METTL9: variants seen among roughly 807,000 people sequenced by gnomAD.
METTL9 encodes the protein methyltransferase 9, His-X-His N1(pi)-histidine.
In METTL9, 10 loss-of-function variants were observed where a neutral mutation model predicts 36.0. The ratio of observed to expected loss-of-function variants is 0.28; its 90% CI spans 0.17 to 0.47. The LOEUF (loss-of-function observed/expected upper bound fraction) is 0.47, where lower values mean the gene tolerates loss of function less well. Ranked by LOEUF, METTL9 falls within the 20% of genes least tolerant of loss-of-function variation. The pLI is 0.99. For missense variants in METTL9, 246 were observed against 383.5 expected (o/e 0.64, Z 3.00); for synonymous variants, 175 against 149.7 (o/e 1.17, Z -1.23).
chr16:21,611,088 G>A (rs1011741994), intron 1 of METTL9, among the ~76,000 whole-genome samples: 1 of 152,168 alleles, frequency 6.6e-6, no homozygotes, highest in African/African-American at 2.4e-5. Flanking sequence ...TTCATAGCTT[G>A]TCATATAGAG....
chr16:21,613,823 A>G (rs1965491266), intron 2 of METTL9, among the ~76,000 whole-genome samples: 1 of 114,514 alleles, frequency 8.7e-6, no homozygotes, highest in Non-Finnish European at 1.7e-5. Flanking sequence ...AAGCTTTAGG[A>G]GTTTTTTTTG....
chr16:21,637,360 G>T (rs1016539102), intron 4 of METTL9, among the ~76,000 whole-genome samples: 3 of 152,008 alleles, frequency 2.0e-5, no homozygotes, highest in African/African-American at 7.3e-5. Context: ...TCTGCTACCC[G>T]GCTAGCTAGA....
intron 4 of METTL9, among the ~76,000 whole-genome samples, chr16:21,625,716 G>A (rs1965801200): frequency 6.6e-6 from 1 of 152,106 alleles, no homozygotes; most frequent in Non-Finnish European, 1.5e-5. Flanking sequence ...CATAGTTACT[G>A]TGACTTCTGG....
At position 21,625,070 on chromosome 16, in the gene METTL9, G is replaced by C; in HGVS notation, c.706G>C (p.Val236Leu). 6.2e-7 allele frequency: 1 copy of C among 1,614,160 alleles called. No individual in the cohort carries two copies. Among genetic ancestry groups the C allele is most frequent in the Non-Finnish European group, 8.5e-7 (1 of 1,180,030 alleles). The change falls in exon 4 of 5, where the codon GTC becomes CTC. Residue 236 changes from valine to leucine, a missense_variant. Val to Leu is a conservative substitution (Grantham distance 32). Coordinates refer to ENST00000358154, the MANE Select transcript of METTL9 (RefSeq NM_016025.5). ...RSVLEPTRGRVILALVLPFHP... is the reference protein window; with the variant it reads ...RSVLEPTRGRLILALVLPFHP... Reference sequence around the variant, plus strand: ...TGTCTTGGAGCCAACTAGAGGCAGGGTCATCCTTGCCCTTGTCCTCCCCTT... The same window carrying C: ...TGTCTTGGAGCCAACTAGAGGCAGGCTCATCCTTGCCCTTGTCCTCCCCTT...
Position 21,606,807 on chromosome 16 carries a change from T to C in METTL9, c.166-5838T>C, listed in dbSNP as rs1165042882. 2.0e-5 allele frequency among the ~76,000 whole-genome samples: 3 copies of C among 152,218 alleles called. No homozygotes were observed. In the East Asian group the frequency reaches 5.8e-4, roughly 29 times the overall value. ...ATGTATTTTTTATTATACCACATCA[T>C]CTAAAATCAGTCAGTTTTTAAAATT... On this transcript the variant is annotated intron_variant, in intron 1 of 4. Transcript: ENST00000358154.
chr16:21,611,788 A>G (rs758002729), intron 1 of METTL9, among the ~76,000 whole-genome samples: 18 of 152,190 alleles, frequency 1.2e-4, no homozygotes, highest in Admixed American at 6.5e-5. Context: ...TGTGGGGCTG[A>G]CGCTAAAGCT....
intron 4 of METTL9, among the ~76,000 whole-genome samples, chr16:21,637,717 G>A (rs1012870117): frequency 6.6e-6 from 1 of 152,240 alleles, no homozygotes; most frequent in South Asian, 2.1e-4. Flanking sequence ...TGCGCTGCGC[G>A]CAGCCCGGCT....
chr16:21,641,439 T>A (rs974246948), intron 4 of METTL9: 2 of 607,188 alleles, frequency 3.3e-6, no homozygotes, highest in Non-Finnish European at 5.6e-6. Flanking sequence ...AGTTTACCTT[T>A]ATTTTTTTTT....
At chr16:21,599,559 G>A (rs1965041199), upstream of METTL9, 3 of 1,284,166 alleles carry the variant, frequency 2.3e-6, no homozygotes, top group African/African-American at 3.1e-5. This position sits in a 1 kb window ranked among gnomAD's most constrained non-coding sequence, Gnocchi z 4.4. Context: ...AGGTGCCGAG[G>A]CTGCGCGCCG....
intron 2 of METTL9, among the ~76,000 whole-genome samples, chr16:21,617,513 A>C (rs1049355530): frequency 1.3e-5 from 2 of 151,932 alleles, no homozygotes; most frequent in African/African-American, 4.8e-5. Context: ...AGATCACCTG[A>C]GGTCAGGAGT....
intron 4 of METTL9, among the ~76,000 whole-genome samples, chr16:21,628,964 A>G (rs2141593081): frequency 7.1e-6 from 1 of 141,636 alleles, no homozygotes; most frequent in Middle Eastern, 4.5e-3. Flanking sequence ...ATCTTGGCTT[A>G]CTCACTGCAA....
chr16:21,603,772 C>G (rs771990803), intron 1 of METTL9, among the ~76,000 whole-genome samples: 2 of 152,046 alleles, frequency 1.3e-5, no homozygotes, highest in Non-Finnish European at 2.9e-5. Context: ...ACAACGATTT[C>G]TCCGGGTGAC....
At chr16:21,627,263 A>G (rs915926392) in intron 4 of METTL9, 22 of 985,370 alleles carry the variant, frequency 2.2e-5, no homozygotes, top group Non-Finnish European at 2.2e-5. Flanking sequence ...GTTGGAGGAT[A>G]TCTGAGTGTG....
chr16:21,618,148 C>A, intron 3 of METTL9, 74 bp downstream of exon 3: 1 of 1,120,750 alleles, frequency 8.9e-7, no homozygotes, highest in Non-Finnish European at 1.3e-6. Context: ...AAAAAATGAT[C>A]TTCCATGATT....
At position 21,650,508 on chromosome 16, in the gene METTL9, CAAAAAAAAAAA is replaced by C. The variant is rs3046229; in HGVS notation, c.752-4709_752-4699del. ...GGGTGACAGAGTGAGACTCTTGTCTCAAAAAAAAAAAAAAAAAAAATAGAGGTTGGGGTGGC... is the reference window on the plus strand; with the variant it reads ...GGGTGACAGAGTGAGACTCTTGTCTCAAAAAAAAATAGAGGTTGGGGTGGC... On this transcript the variant is annotated intron_variant, in intron 4 of 4. Transcript: ENST00000358154. Among the ~76,000 whole-genome samples, 2 of 89,990 alleles carry C rather than the reference CAAAAAAAAAAA, an allele frequency of 2.2e-5. 1 individual carries two copies. Among genetic ancestry groups the C allele is most frequent in the Non-Finnish European group, 4.3e-5 (2 of 46,064 alleles). 59.0% of individuals were successfully genotyped at this position (89,990 alleles called of 152,430 possible). A position where few individuals can be genotyped will look rare whatever the true frequency, so the allele number is the denominator to read the frequency against.
intron 4 of METTL9, among the ~76,000 whole-genome samples, chr16:21,628,485 TTTTC>T (rs757062258): frequency 1.8e-4 from 27 of 152,200 alleles, no homozygotes; most frequent in East Asian, 3.9e-4. Flanking sequence ...CCCCACTTTT[TTTTC>T]TTTCTTTCTT....
At chr16:21,612,496 C>T (rs1157418237) in intron 1 of METTL9, 149 bp from the exon 2 acceptor site, 13 of 707,550 alleles carry the variant, frequency 1.8e-5, no homozygotes, top group Non-Finnish European at 2.1e-5. Context: ...TATGAGTATA[C>T]GAAATGATTA....
intron 2 of METTL9, among the ~76,000 whole-genome samples, chr16:21,613,574 T>C (rs1023419043): frequency 1.3e-5 from 2 of 152,156 alleles, no homozygotes; most frequent in African/African-American, 4.8e-5. Context: ...AACCAAGCCC[T>C]GAAGCTGAGG....
At chr16:21,650,883 T>G (rs1438329208) in intron 4 of METTL9, among the ~76,000 whole-genome samples, 1 of 152,232 alleles carries the variant, frequency 6.6e-6, no homozygotes, top group Non-Finnish European at 1.5e-5. Flanking sequence ...GTTGAAGATT[T>G]ATTTCCTCCA....
Sources: gnomAD v4.1 joint callset for allele counts (sites outside exome capture counted in the v4.1 genomes callset) on GRCh38, gnomAD v4.1.1 for gene constraint, Gnocchi (gnomAD v3.1) non-coding constraint, MANE v1.5 for transcripts, NCBI Gene and HGNC (gene_info 2026-07-23, HGNC 2026-07-21) for gene names.